Variants in NBAS observed in about 807,000 individuals in gnomAD.
NBAS encodes NBAS subunit of NRZ tethering complex, also known as NAG/BC035112 fusion.
In NBAS, 219 loss-of-function variants were observed where a neutral mutation model predicts 302.5. The observed-to-expected ratio is 0.72, with a 90% CI of 0.65 to 0.81. The LOEUF is 0.81. Ranked by LOEUF, NBAS falls within the 30% of genes least tolerant of loss-of-function variation. NBAS has a pLI of 0.00. For missense variants in NBAS, 2,932 were observed against 2,841.6 expected (o/e 1.03, Z -0.72); for synonymous variants, 1,118 against 1,021.6 (o/e 1.09, Z -1.80).
chr2:15,318,732 G>A (rs1671640330), intron 38 of NBAS, among the ~76,000 whole-genome samples: 1 of 152,106 alleles, frequency 6.6e-6, no homozygotes, highest in Admixed American at 6.6e-5. Flanking sequence ...CAATACAGGA[G>A]CACCCAGATT....
At chr2:14,924,382 T>C in the NBAS span, among the ~76,000 whole-genome samples, 1 of 152,232 alleles carries the variant, frequency 6.6e-6, no homozygotes, top group Non-Finnish European at 1.5e-5. Flanking sequence ...TTGTTTTATA[T>C]TCCTTCTTCT....
the NBAS span, among the ~76,000 whole-genome samples, chr2:15,103,901 C>T: frequency 4.9e-3 from 741 of 152,242 alleles, 15 homozygotes; most frequent in Admixed American, 0.038. Flanking sequence ...TGACATTCCA[C>T]TGAAGATCTT....
chr2:15,147,284 G>C, the NBAS span, among the ~76,000 whole-genome samples: 1 of 152,106 alleles, frequency 6.6e-6, no homozygotes, highest in African/African-American at 2.4e-5. Flanking sequence ...CTTCTATTCA[G>C]AGAGGACTGA....
At chr2:15,270,235 G>C (rs894128720) in intron 44 of NBAS, among the ~76,000 whole-genome samples, 1 of 151,886 alleles carries the variant, frequency 6.6e-6, no homozygotes, top group Non-Finnish European at 1.5e-5. Context: ...CACGATCTCG[G>C]GTCAGTGCAG....
At chr2:14,930,923 G>A in the NBAS span, among the ~76,000 whole-genome samples, 13 of 152,304 alleles carry the variant, frequency 8.5e-5, no homozygotes, top group Middle Eastern at 6.8e-3. Context: ...TACAAGCTCC[G>A]CTACTAACTG....
At chr2:15,387,736 A>G (rs1309416178) in intron 28 of NBAS, among the ~76,000 whole-genome samples, 6 of 151,978 alleles carry the variant, frequency 3.9e-5, no homozygotes, top group Non-Finnish European at 8.8e-5. Context: ...GGCTCAAGCG[A>G]TTCTCCAGCC....
intron 30 of NBAS, among the ~76,000 whole-genome samples, chr2:15,376,395 T>C (rs1347366425): frequency 6.6e-6 from 1 of 152,174 alleles, no homozygotes; most frequent in East Asian, 1.9e-4. Context: ...GGGAAACACC[T>C]GCCAAAAAGA....
chr2:14,790,877 T>C, the NBAS span, among the ~76,000 whole-genome samples: 1 of 149,480 alleles, frequency 6.7e-6, no homozygotes. Flanking sequence ...TTTTTGGAGA[T>C]AGAGTTTCGC....
chr2:14,871,067 C>T, the NBAS span, among the ~76,000 whole-genome samples: 1 of 151,542 alleles, frequency 6.6e-6, no homozygotes, highest in Non-Finnish European at 1.5e-5. Flanking sequence ...ACATTAGTGA[C>T]TTCAAAGGCA....
At chr2:15,180,725 T>C (rs901817555) in intron 50 of NBAS, among the ~76,000 whole-genome samples, 3 of 152,212 alleles carry the variant, frequency 2.0e-5, no homozygotes, top group African/African-American at 7.2e-5. Flanking sequence ...GAGGTGGGGC[T>C]AGTGCAACCG....
At chr2:14,847,555 A>T in the NBAS span, among the ~76,000 whole-genome samples, 1 of 151,936 alleles carries the variant, frequency 6.6e-6, no homozygotes, top group African/African-American at 2.4e-5. Context: ...TCACTATATA[A>T]TGATAAAGGG....
rs377593721 is a variant in NBAS, at chr2:15,536,445, C to T, written c.620G>A (p.Arg207Gln). The stretch of plus-strand genomic sequence containing the variant: ...TACAAGGTAACTTCTAAGTTCTCCT[C>T]GGTAATTGATGACCAGGAGTTCTGC... Reference protein sequence around the residue: ...WSAELLVINYRGELRSYLVSV... With the variant: ...WSAELLVINYQGELRSYLVSV... The change falls in exon 8 of 52, where the codon CGA becomes CAA. Residue 207 changes from arginine (R) to glutamine (Q), a missense_variant. Coordinates refer to ENST00000281513, the MANE Select transcript of NBAS (RefSeq NM_015909.4). The T allele has an allele frequency of 8.7e-6, 14 of 1,613,356 alleles. No individual in the cohort carries two copies. The highest frequency in any genetic ancestry group is 1.3e-5 in the African/African-American group (1 of 74,878).
At chr2:15,035,890 C>A in the NBAS span, among the ~76,000 whole-genome samples, 1 of 152,148 alleles carries the variant, frequency 6.6e-6, no homozygotes, top group African/African-American at 2.4e-5. Context: ...AGAAAAATAT[C>A]TAATGCATGC....
At chr2:15,260,395 G>A (rs1000476496) in intron 44 of NBAS, among the ~76,000 whole-genome samples, 2 of 152,174 alleles carry the variant, frequency 1.3e-5, no homozygotes, top group Admixed American at 1.3e-4. Context: ...AAAGACATCG[G>A]CATTCGTGGA....
chr2:14,797,709 T>C, the NBAS span, among the ~76,000 whole-genome samples: 9 of 152,050 alleles, frequency 5.9e-5, no homozygotes, highest in Non-Finnish European at 1.0e-4. Context: ...CGTGAAGCTA[T>C]AGTGGTCACA....
chr2:15,331,023 C>T (rs1672319647), intron 35 of NBAS, among the ~76,000 whole-genome samples: 1 of 152,140 alleles, frequency 6.6e-6, no homozygotes, highest in African/African-American at 2.4e-5. Flanking sequence ...TAAATAATCC[C>T]TCAGAAGTAC....
the NBAS span, among the ~76,000 whole-genome samples, chr2:15,140,300 G>A: frequency 2.0e-5 from 3 of 152,184 alleles, no homozygotes; most frequent in African/African-American, 7.2e-5. Flanking sequence ...AGACAACATG[G>A]AGCAGAAAGA....
intron 32 of NBAS, among the ~76,000 whole-genome samples, chr2:15,365,442 G>A (rs1249558985): frequency 2.6e-5 from 4 of 152,122 alleles, no homozygotes; most frequent in African/African-American, 4.8e-5. Flanking sequence ...TAACTTCACA[G>A]GTGAAGAAAG....
chr2:14,965,280 AC>A, the NBAS span, among the ~76,000 whole-genome samples: 38 of 152,026 alleles, frequency 2.5e-4, no homozygotes, highest in Admixed American at 4.6e-4. Context: ...TAAAATTGAG[AC>A]CCCCCCTACC....
Sources: allele counts gnomAD v4.1 joint callset (sites outside exome capture counted in the v4.1 genomes callset), GRCh38; gene constraint gnomAD v4.1.1; transcripts MANE v1.5; gene names NCBI Gene and HGNC (gene_info 2026-07-23, HGNC 2026-07-21).